PLCZ1: variants seen among roughly 807,000 people sequenced by gnomAD.
The protein encoded by PLCZ1 is phospholipase C zeta 1, also known as 1-phosphatidylinositol 4,5-bisphosphate phosphodiesterase zeta-1.
PLCZ1 carries 64 observed loss-of-function variants against 76.8 expected under a neutral mutation model. The observed-to-expected ratio is 0.83, with a 90% CI of 0.68 to 1.03. The LOEUF is 1.03. Ranked by LOEUF, PLCZ1 falls within the 50% of genes least tolerant of loss-of-function variation. The pLI, the probability that PLCZ1 is intolerant of heterozygous loss-of-function variation, is 0.00. For missense variants in PLCZ1, 751 were observed against 713.7 expected, an observed-to-expected ratio of 1.05 and a Z score of -0.60; for synonymous variants, 248 against 230.8, an observed-to-expected ratio of 1.07 and a Z score of -0.68.
chr12:18,663,734 AAAAG>A, the PLCZ1 span, among the ~76,000 whole-genome samples: 1 of 152,174 alleles, frequency 6.6e-6, no homozygotes, highest in Non-Finnish European at 1.5e-5. Context: ...AACAGAAGAA[AAAAG>A]AAAGAAATTG....
chr12:18,655,681 G>A, the PLCZ1 span, among the ~76,000 whole-genome samples: 1 of 151,576 alleles, frequency 6.6e-6, no homozygotes, highest in African/African-American at 2.4e-5. Flanking sequence ...CCCTTGACAA[G>A]ATGTGATGAA....
chr12:18,719,053 CT>C (rs1471287549), intron 5 of PLCZ1, among the ~76,000 whole-genome samples: 1 of 152,130 alleles, frequency 6.6e-6, no homozygotes, highest in East Asian at 1.9e-4. Flanking sequence ...GTCCTGATGT[CT>C]GAGAATTAAT....
chr12:18,691,827 A>T (rs1371724329), intron 12 of PLCZ1, among the ~76,000 whole-genome samples: 1 of 152,190 alleles, frequency 6.6e-6, no homozygotes, highest in Non-Finnish European at 1.5e-5. Context: ...CAAACTCCTT[A>T]ACAGACAATA....
intron 7 of PLCZ1, among the ~76,000 whole-genome samples, chr12:18,702,265 A>T (rs904682867): frequency 1.3e-5 from 2 of 151,964 alleles, no homozygotes; most frequent in Non-Finnish European, 2.9e-5. Context: ...AGGCTCTTCA[A>T]ATTTCTTCTG....
At chr12:18,649,311 T>A in the PLCZ1 span, among the ~76,000 whole-genome samples, 2 of 152,090 alleles carry the variant, frequency 1.3e-5, no homozygotes, top group Non-Finnish European at 2.9e-5. Flanking sequence ...CCTCTCTGCT[T>A]ATTACCAGAG....
At chr12:18,685,353 G>A in intron 13 of PLCZ1, 1 of 160,478 alleles carries the variant, frequency 6.2e-6, no homozygotes, top group East Asian at 1.7e-4. Flanking sequence ...ACAGAATCAA[G>A]AAATTCACAT....
At chr12:18,660,502 A>G in the PLCZ1 span, among the ~76,000 whole-genome samples, 1 of 152,140 alleles carries the variant, frequency 6.6e-6, no homozygotes, top group Non-Finnish European at 1.5e-5. Context: ...GCCAGACATT[A>G]AAGACTAGGA....
chr12:18,684,230 T>C lies in PLCZ1; in HGVS notation c.1641A>G (p.Pro547=), dbSNP rs1210041521. The change falls in exon 14 of 15, where the codon CCA becomes CCG. Residue 547 remains proline, a synonymous_variant. Transcript: ENST00000266505. ...CAACAAAACGTATCAATGCCAATTC[T>C]GGGACATGAATAATAAATGTGAATG... The part of the protein sequence containing the change: ...NETFTFIIHV[P]ELALIRFVVE... The C allele has an allele frequency of 3.1e-6, 5 of 1,611,184 alleles. No individual in the cohort carries two copies. Among genetic ancestry groups the C allele is most frequent in the Non-Finnish European group, 4.2e-6 (5 of 1,177,930 alleles).
intron 5 of PLCZ1, chr12:18,713,827 T>TA (rs1262146857): frequency 1.3e-5 from 2 of 152,180 alleles, no homozygotes; most frequent in Admixed American, 6.5e-5. Context: ...TTTTTCTACC[T>TA]AAAAAATAAA....
intron 6 of PLCZ1, among the ~76,000 whole-genome samples, chr12:18,710,263 T>A (rs929622662): frequency 1.3e-5 from 2 of 150,748 alleles, no homozygotes; most frequent in Non-Finnish European, 2.9e-5. Flanking sequence ...CTGTCACTAT[T>A]TTTTTTAATT....
downstream of PLCZ1, among the ~76,000 whole-genome samples, chr12:18,681,100 G>A (rs1218042324): frequency 2.6e-5 from 4 of 151,950 alleles, no homozygotes; most frequent in Admixed American, 1.3e-4. Context: ...GGCTGTGTCC[G>A]GGTTGATGCT....
intron 6 of PLCZ1, among the ~76,000 whole-genome samples, chr12:18,712,615 G>A (rs541133935): frequency 6.6e-6 from 1 of 152,084 alleles, no homozygotes; most frequent in East Asian, 1.9e-4. Flanking sequence ...ACACACACGA[G>A]TAAACAAAAA....
chr12:18,699,184 G>A (rs1425875905), intron 10 of PLCZ1, among the ~76,000 whole-genome samples: 4 of 152,200 alleles, frequency 2.6e-5, no homozygotes, highest in Non-Finnish European at 5.9e-5. Context: ...ACTCTGCACA[G>A]CCATCTGGTA....
chr12:18,695,138 C>A, intron 11 of PLCZ1, 59 bp from the exon 12 acceptor site: 1 of 1,495,174 alleles, frequency 6.7e-7, no homozygotes, highest in South Asian at 1.1e-5. Flanking sequence ...TAAAGGAACA[C>A]AAACCACTTA....
At chr12:18,676,304 G>A in the PLCZ1 span, among the ~76,000 whole-genome samples, 1 of 152,022 alleles carries the variant, frequency 6.6e-6, no homozygotes, top group Non-Finnish European at 1.5e-5. Flanking sequence ...GTCTATATTT[G>A]CTTAAACCAC....
At chr12:18,651,048 A>G in the PLCZ1 span, among the ~76,000 whole-genome samples, 4 of 152,008 alleles carry the variant, frequency 2.6e-5, no homozygotes, top group African/African-American at 9.6e-5. Flanking sequence ...AGCCTTTAAA[A>G]TAACCTAAAA....
rs1166402615 is a variant in PLCZ1 at position 18,718,289 on chromosome 12, C to A, written c.569+1142G>T. Among the ~76,000 whole-genome samples the A allele has an allele frequency of 3.3e-5, 5 of 152,288 alleles. No homozygotes were observed. The South Asian group carries it at 1.0e-3, about 32-fold the overall frequency. On this transcript the variant is annotated intron_variant, in intron 5 of 14. Transcript: ENST00000266505. ...CATGAGTTCACCACCAGCTATATCA[C>A]CTGCACTGCTACACCATCTTCCCAA...
intron 7 of PLCZ1, among the ~76,000 whole-genome samples, chr12:18,704,721 C>T (rs1158155418): frequency 6.6e-6 from 1 of 152,022 alleles, no homozygotes; most frequent in African/African-American, 2.4e-5. Flanking sequence ...CTTCAGTATG[C>T]TCAAATTAAG....
chr12:18,666,903 G>A, the PLCZ1 span, among the ~76,000 whole-genome samples: 2 of 152,098 alleles, frequency 1.3e-5, no homozygotes, highest in African/African-American at 4.8e-5. Flanking sequence ...TAAGTAAAAG[G>A]TTATTTTTAA....
Sources: allele counts gnomAD v4.1 joint callset (sites outside exome capture counted in the v4.1 genomes callset), GRCh38; gene constraint gnomAD v4.1.1; transcripts MANE v1.5; gene names NCBI Gene and HGNC (gene_info 2026-07-23, HGNC 2026-07-21).